RAB3C: variants seen among roughly 807,000 people sequenced by gnomAD.
RAB3C encodes the protein RAB3C, member RAS oncogene family, also known as ras-related protein Rab-3C.
Under a neutral mutation model 26.4 loss-of-function variants are expected in RAB3C, and 17 were observed. That is an observed-to-expected ratio of 0.64 (90% CI 0.44 to 0.97). The LOEUF (loss-of-function observed/expected upper bound fraction) is 0.97. RAB3C is among the 50% of genes least tolerant of loss of function. The probability of loss-of-function intolerance (pLI) is 0.00; values close to 1 mark genes in which losing one functional copy is unlikely to be tolerated. For synonymous variants in RAB3C, 91 were observed against 95.9 expected, an observed-to-expected ratio of 0.95 and a Z score of 0.30; for missense variants, 242 against 281.9, an observed-to-expected ratio of 0.86 and a Z score of 1.01.
At chr5:58,605,408 G>A (rs747557242) in intron 1 of RAB3C, among the ~76,000 whole-genome samples, 21 of 152,050 alleles carry the variant, frequency 1.4e-4, no homozygotes, top group Non-Finnish European at 2.8e-4. Context: ...TGAGGAGCTT[G>A]GAAGTCATCA....
chr5:58,597,110 AT>A (rs371995810), intron 1 of RAB3C, among the ~76,000 whole-genome samples: 6 of 54 alleles, frequency 0.11, no homozygotes, highest in African/African-American at 0.12. Flanking sequence ...ATTATATAAT[AT>A]ATATAATACA....
At chr5:58,677,741 T>C (rs1382996471) in intron 2 of RAB3C, among the ~76,000 whole-genome samples, 1 of 152,184 alleles carries the variant, frequency 6.6e-6, no homozygotes, top group Non-Finnish European at 1.5e-5. Context: ...TATCTAGAAA[T>C]TTGATCACAG....
At chr5:58,605,369 T>TA (rs1236353849) in intron 1 of RAB3C, among the ~76,000 whole-genome samples, 3 of 152,150 alleles carry the variant, frequency 2.0e-5, no homozygotes, top group Admixed American at 1.3e-4. Context: ...ATTTCATCTT[T>TA]AAAATGGAGA....
In RAB3C at chr5:58,783,194, A is replaced by G. The variant is rs559311861; in HGVS notation, c.372-41844A>G. On this transcript the variant is annotated intron_variant, in intron 3 of 4. Transcript: ENST00000282878. Reference sequence around the variant, plus strand: ...CATAAATATACGCTTATAAAGCACAAATGCTCCCCAATCATAAAGAAAATG... The same window carrying G: ...CATAAATATACGCTTATAAAGCACAGATGCTCCCCAATCATAAAGAAAATG... 4.6e-5 allele frequency among the ~76,000 whole-genome samples: 7 copies of G among 152,302 alleles called. No homozygotes were observed. The East Asian group carries it at 1.3e-3, about 29-fold the overall frequency.
intron 2 of RAB3C, among the ~76,000 whole-genome samples, chr5:58,629,280 A>T (rs1747138268): frequency 6.6e-6 from 1 of 151,660 alleles, no homozygotes; most frequent in Non-Finnish European, 1.5e-5. Context: ...AGTGATGTGG[A>T]GGGTAGTATA....
chr5:58,665,290 T>C (rs2111813893), intron 2 of RAB3C, among the ~76,000 whole-genome samples: 1 of 152,314 alleles, frequency 6.6e-6, no homozygotes, highest in South Asian at 2.1e-4. Context: ...GGGGGAATAC[T>C]GCATTATGAG....
intron 3 of RAB3C, among the ~76,000 whole-genome samples, chr5:58,810,370 T>TCTCTCTCTCG (rs373289219): frequency 0.06 from 7,661 of 127,528 alleles, 550 homozygotes; most frequent in African/African-American, 0.17. Flanking sequence ...GTGTGCTCTC[T>TCTCTCTCTCG]CTCTCTCTCT....
intron 3 of RAB3C, among the ~76,000 whole-genome samples, chr5:58,797,283 C>T (rs1228140883): frequency 1.4e-5 from 2 of 145,458 alleles, no homozygotes; most frequent in Non-Finnish European, 3.0e-5. Context: ...AAAGACCTTA[C>T]TAACTGACTG....
chr5:58,664,206 A>C (rs1747958921), intron 2 of RAB3C, among the ~76,000 whole-genome samples: 1 of 152,180 alleles, frequency 6.6e-6, no homozygotes, highest in Non-Finnish European at 1.5e-5. Flanking sequence ...AATAGCTTCA[A>C]ACTGGAAACA....
intron 4 of RAB3C, among the ~76,000 whole-genome samples, chr5:58,838,604 T>C (rs549073422): frequency 6.6e-6 from 1 of 151,690 alleles, no homozygotes; most frequent in African/African-American, 2.4e-5. Context: ...TTGTTTTGTG[T>C]TCTAATATAT....
At position 58,834,185 on chromosome 5, in the gene RAB3C, G is replaced by A. The variant is rs747416816; in HGVS notation, c.496+9023G>A. Among the ~76,000 whole-genome samples, 7 of 152,166 alleles carry A rather than the reference G, an allele frequency of 4.6e-5. No individual in the cohort carries two copies. In the East Asian group the frequency reaches 1.2e-3, roughly 25 times the overall value. On this transcript the variant is annotated intron_variant, in intron 4 of 4. Transcript: ENST00000282878. The stretch of plus-strand genomic sequence containing the variant: ...TTCATGTCATAGATTTCAGCCTATC[G>A]TTACAGTTTCAGTCCAGCTTGCCAA...
intron 3 of RAB3C, among the ~76,000 whole-genome samples, chr5:58,814,980 C>T (rs959297668): frequency 6.6e-6 from 1 of 152,238 alleles, no homozygotes; most frequent in East Asian, 1.9e-4. Flanking sequence ...TCAGTACTGG[C>T]TCTCTGCAAC....
chr5:58,674,189 G>A (rs1203617079), intron 2 of RAB3C, among the ~76,000 whole-genome samples: 3 of 152,144 alleles, frequency 2.0e-5, no homozygotes, highest in Non-Finnish European at 2.9e-5. Context: ...TTTCATGTGT[G>A]TGATGTTTAT....
At chr5:58,725,718 A>G (rs1169912567) in intron 2 of RAB3C, among the ~76,000 whole-genome samples, 1 of 151,926 alleles carries the variant, frequency 6.6e-6, no homozygotes, top group East Asian at 1.9e-4. Context: ...ATAAAGACAA[A>G]TATTTAAAGT....
intron 2 of RAB3C, among the ~76,000 whole-genome samples, chr5:58,645,750 G>A (rs1747504041): frequency 6.6e-6 from 1 of 152,156 alleles, no homozygotes; most frequent in South Asian, 2.1e-4. Flanking sequence ...GAGCCCTGAG[G>A]TCAAGAACGA....
chr5:58,648,562 G>T lies in RAB3C; in HGVS notation c.252+30692G>T, dbSNP rs1425068959. Among the ~76,000 whole-genome samples the T allele has an allele frequency of 2.0e-5, 3 of 152,240 alleles. No individual in the cohort carries two copies. In the East Asian group the frequency reaches 5.8e-4, roughly 29 times the overall value. Reference sequence around the variant, plus strand: ...AAAATATTCTCCTGTTTCTTGAAAAGATTTTACCACAAGATCTGGAAACTT... The same window carrying T: ...AAAATATTCTCCTGTTTCTTGAAAATATTTTACCACAAGATCTGGAAACTT... On this transcript the variant is annotated intron_variant, in intron 2 of 4. Coordinates refer to ENST00000282878, the MANE Select transcript of RAB3C (RefSeq NM_138453.4).
At chr5:58,706,059 T>A (rs1748936917) in intron 2 of RAB3C, among the ~76,000 whole-genome samples, 3 of 152,216 alleles carry the variant, frequency 2.0e-5, no homozygotes, top group Admixed American at 2.0e-4. Context: ...GATGAATTTT[T>A]AAAAATGCAA....
At chr5:58,799,569 A>C (rs961814308) in intron 3 of RAB3C, among the ~76,000 whole-genome samples, 1 of 152,146 alleles carries the variant, frequency 6.6e-6, no homozygotes, top group Non-Finnish European at 1.5e-5. Context: ...AATGTACGCC[A>C]TTCATTTCTC....
At chr5:58,595,423 C>G (rs1209231921) in intron 1 of RAB3C, among the ~76,000 whole-genome samples, 2 of 152,126 alleles carry the variant, frequency 1.3e-5, no homozygotes, top group Non-Finnish European at 2.9e-5. Context: ...CTGGTGAAGA[C>G]AGCAGCTGGT....
Sources: allele counts gnomAD v4.1 joint callset (sites outside exome capture counted in the v4.1 genomes callset), GRCh38; gene constraint gnomAD v4.1.1; transcripts MANE v1.5; gene names NCBI Gene and HGNC (gene_info 2026-07-23, HGNC 2026-07-21).